Variants in MYBPHL observed in about 807,000 individuals in gnomAD.
MYBPHL encodes myosin binding protein H like, also known as myosin-binding protein H-like.
A neutral mutation model predicts 39.5 loss-of-function variants in MYBPHL; 32 were observed. The ratio of observed to expected loss-of-function variants is 0.81; its 90% confidence interval spans 0.61 to 1.09. MYBPHL has a LOEUF of 1.09. Ranked by LOEUF, MYBPHL falls within the 50% of genes least tolerant of loss-of-function variation. The pLI, the probability that MYBPHL is intolerant of heterozygous loss-of-function variation, is 0.00. For missense variants in MYBPHL, 456 were observed against 460.2 expected (o/e 0.99, Z 0.08); for synonymous variants, 196 against 183.7 (o/e 1.07, Z -0.54).
At chr1:109,303,278 C>T (rs1658355950) in intron 1 of MYBPHL, among the ~76,000 whole-genome samples, 1 of 152,108 alleles carries the variant, frequency 6.6e-6, no homozygotes, top group Admixed American at 6.5e-5. Flanking sequence ...ACCTAGCACC[C>T]CTTTCATGTT....
At position 109,297,274 on chromosome 1, in the gene MYBPHL, C is replaced by T. The variant is rs7515901; in HGVS notation, c.431-85G>A. The T allele has an allele frequency of 0.17, 274,234 of 1,593,296 alleles. 26,961 individuals are homozygous for T. Among genetic ancestry groups the T allele is most frequent in the African/African-American group, 0.42 (31,256 of 74,420 alleles). The stretch of plus-strand genomic sequence containing the variant: ...CAGGAGTGCCCTAGCCCCTTTTTCT[C>T]CTCAGTTACCCCTCCTGCGCCCACC... On this transcript the variant is annotated intron_variant, in intron 3 of 8. Coordinates refer to ENST00000357155, the MANE Select transcript of MYBPHL (RefSeq NM_001010985.3).
chr1:109,296,853 A>G lies in MYBPHL; in HGVS notation c.660T>C (p.Phe220=), dbSNP rs764240417. ...IIGNSYAFRV[F]AENQCGLSET... is the part of the protein sequence containing the mutation. ...CACTGAGTCCGCACTGGTTTTCAGC[A>G]AAGACACGGAAGGCATAGGAGTTGC... is the stretch of plus-strand genomic sequence containing the variant. The change falls in exon 5 of 9, where the codon TTT becomes TTC. Residue 220 remains phenylalanine, a synonymous_variant. Coordinates refer to ENST00000357155, the MANE Select transcript of MYBPHL (RefSeq NM_001010985.3). The G allele has an allele frequency of 8.7e-6, 14 of 1,614,054 alleles. No homozygotes were observed. Among genetic ancestry groups the G allele is most frequent in the African/African-American group, 5.3e-5 (4 of 74,922 alleles).
intron 1 of MYBPHL, among the ~76,000 whole-genome samples, chr1:109,305,691 C>T (rs1355087343): frequency 1.3e-5 from 2 of 152,228 alleles, no homozygotes; most frequent in Non-Finnish European, 2.9e-5. Context: ...CTCCCTTCAT[C>T]TTCAACGGGA....
rs759914876 is a variant in MYBPHL, at chr1:109,306,524, T to A, written c.145+323A>T. ...GTCCCTTCCTGACTGGCCATTAGTA[T>A]ATCAGGTCTTCCCAGTCCCTATGAC... On this transcript the variant is annotated intron_variant, in intron 1 of 8. Coordinates refer to ENST00000357155, the MANE Select transcript of MYBPHL (RefSeq NM_001010985.3). Among the ~76,000 whole-genome samples, 68 of 152,192 alleles carry A rather than the reference T, an allele frequency of 4.5e-4. 1 individual carries two copies. Among genetic ancestry groups the A allele is most frequent in the Non-Finnish European group, 2.1e-4 (14 of 68,050 alleles).
At chr1:109,296,207 A>C (rs1186950247) in intron 6 of MYBPHL, 27 bp downstream of exon 6, 1 of 1,611,484 alleles carries the variant, frequency 6.2e-7, no homozygotes, top group Non-Finnish European at 8.5e-7. Flanking sequence ...GCAGCTCAGC[A>C]CAGTGCCCCC....
intron 8 of MYBPHL, 123 bp from the exon 9 acceptor site, chr1:109,292,711 G>A (rs557014708): frequency 6.6e-6 from 1 of 152,358 alleles, no homozygotes; most frequent in South Asian, 2.1e-4. Context: ...TGAGAAGTCT[G>A]TACTTGTAAC....
In MYBPHL at chr1:109,298,151, T is replaced by C. The variant is rs745812331; in HGVS notation, c.234+18A>G. The C allele has an allele frequency of 5.7e-6, 9 of 1,589,474 alleles. No individual in the cohort carries two copies. The highest frequency in any genetic ancestry group is 1.8e-5 in the Admixed American group (1 of 55,386). ...ACTGGCCCCAGACATGGACCCAGTATGGGGCTGGCATGATCACCTGGAATG... is the reference window on the plus strand; with the variant it reads ...ACTGGCCCCAGACATGGACCCAGTACGGGGCTGGCATGATCACCTGGAATG... On this transcript the variant is annotated intron_variant, in intron 2 of 8. Transcript: ENST00000357155.
rs1201974816 is a variant in MYBPHL, at chr1:109,292,420, C to T, written c.*202G>A. The T allele has an allele frequency of 2.0e-5, 3 of 152,246 alleles. No individual in the cohort carries two copies. The highest frequency in any genetic ancestry group is 7.2e-5 in the African/African-American group (3 of 41,462). The allele number at this position is 152,246 out of a possible 1,614,324, so 9.4% of individuals were successfully genotyped here. A position where few individuals can be genotyped will look rare whatever the true frequency, so the allele number is the denominator to read the frequency against. On this transcript the variant is annotated 3_prime_UTR_variant, in exon 9 of 9. Coordinates refer to ENST00000357155, the MANE Select transcript of MYBPHL (RefSeq NM_001010985.3). ...ATCCAAACCAGACATGGTGCCGAAG[C>T]TCCTTGAGGACACAGTCTCACCACT... is the stretch of plus-strand genomic sequence containing the variant.
chr1:109,301,373 T>C (rs960578482), intron 1 of MYBPHL, among the ~76,000 whole-genome samples: 1 of 152,172 alleles, frequency 6.6e-6, no homozygotes, highest in African/African-American at 2.4e-5. Context: ...CCTTTGGTTC[T>C]GAGTTAGGCT....
chr1:109,304,257 C>A (rs189551780), intron 1 of MYBPHL, among the ~76,000 whole-genome samples: 25 of 152,000 alleles, frequency 1.6e-4, no homozygotes, highest in Non-Finnish European at 5.9e-5. Flanking sequence ...CCTGGCACAT[C>A]ATAGGCACAA....
At chr1:109,297,766 G>C (rs1658136779) in intron 2 of MYBPHL, 149 bp from the exon 3 acceptor site, 1 of 675,002 alleles carries the variant, frequency 1.5e-6, no homozygotes, top group Non-Finnish European at 2.4e-6. Context: ...ACCCTCCCGG[G>C]GGCCTCCTCC....
chr1:109,296,757 G>A, intron 5 of MYBPHL, 26 bp downstream of exon 5: 1 of 1,613,848 alleles, frequency 6.2e-7, no homozygotes, highest in Non-Finnish European at 8.5e-7. Flanking sequence ...AGTCTTCCCA[G>A]CTCATGATCC....
intron 5 of MYBPHL, 30 bp downstream of exon 5, chr1:109,296,753 C>G (rs779161170): frequency 2.5e-6 from 4 of 1,613,756 alleles, no homozygotes; most frequent in Non-Finnish European, 3.4e-6. Context: ...CTTAAGTCTT[C>G]CCAGCTCATG....
chr1:109,294,416 T>C (rs1308790453), intron 7 of MYBPHL, among the ~76,000 whole-genome samples, 167 bp from the exon 8 acceptor site: 1 of 152,206 alleles, frequency 6.6e-6, no homozygotes, highest in Non-Finnish European at 1.5e-5. Flanking sequence ...GGCTCATTCA[T>C]TCTTGATCCA....
At position 109,296,218 on chromosome 1, in the gene MYBPHL, C is replaced by A. The variant is rs1399606879; in HGVS notation, c.867+16G>T. The A allele has an allele frequency of 6.2e-7, 1 of 1,612,030 alleles. No homozygotes were observed. The highest frequency in any genetic ancestry group is 2.2e-5 in the East Asian group (1 of 44,862). On this transcript the variant is annotated intron_variant, in intron 6 of 8. Transcript: ENST00000357155. ...AGAAGCAGCTCAGCACAGTGCCCCC[C>A]AGAGCCCCCACTCACCCGGGGAGAG...
At chr1:109,304,706 C>T (rs1347596714) in intron 1 of MYBPHL, among the ~76,000 whole-genome samples, 1 of 152,186 alleles carries the variant, frequency 6.6e-6, no homozygotes, top group Non-Finnish European at 1.5e-5. Flanking sequence ...GTTTTGGAAG[C>T]TCTTCTCTGG....
At chr1:109,296,026 C>G (rs1658045102) in intron 6 of MYBPHL, among the ~76,000 whole-genome samples, 1 of 152,194 alleles carries the variant, frequency 6.6e-6, no homozygotes, top group Non-Finnish European at 1.5e-5. Flanking sequence ...ATATGAGAAA[C>G]AAACATTCAA....
At position 109,296,321 on chromosome 1, in the gene MYBPHL, G is replaced by A. The variant is rs1557762378; in HGVS notation, c.780C>T (p.Ala260=). The change falls in exon 6 of 9, where the codon GCC becomes GCT. Residue 260 remains alanine, a synonymous_variant. Coordinates refer to ENST00000357155, the MANE Select transcript of MYBPHL (RefSeq NM_001010985.3). ...CGGCCAGAGGCTGGGTAAACTTTGG[G>A]GCTTCAGAGAAGTCTCGTTGGGCAA... The part of the protein sequence containing the change: ...KGFAQRDFSE[A]PKFTQPLADC... 2.5e-6 allele frequency: 4 copies of A among 1,614,056 alleles called. No individual in the cohort carries two copies. The highest frequency in any genetic ancestry group is 3.4e-6 in the Non-Finnish European group (4 of 1,180,042).
intron 3 of MYBPHL, 97 bp from the exon 4 acceptor site, chr1:109,297,286 C>A (rs1351870060): frequency 2.5e-5 from 39 of 1,581,054 alleles, no homozygotes; most frequent in Non-Finnish European, 3.4e-5. Context: ...TCAGTTACCC[C>A]TCCTGCGCCC....
Sources: gnomAD v4.1 joint callset for allele counts (sites outside exome capture counted in the v4.1 genomes callset) on GRCh38, gnomAD v4.1.1 for gene constraint, MANE v1.5 for transcripts, NCBI Gene and HGNC (gene_info 2026-07-23, HGNC 2026-07-21) for gene names.